SEM1: variants seen among roughly 807,000 people sequenced by gnomAD.
The protein encoded by SEM1 is SEM1 26S proteasome subunit.
In SEM1, 3 loss-of-function variants were observed where a neutral mutation model predicts 12.7. That is an observed-to-expected ratio of 0.24 (90% confidence interval 0.11 to 0.61). The LOEUF (loss-of-function observed/expected upper bound fraction) is 0.61. Among genes scored for constraint, SEM1 ranks in the 20% least tolerant of loss-of-function variants. The pLI is 0.88. For synonymous variants in SEM1, 30 were observed against 27.8 expected (o/e 1.08, Z -0.25); for missense variants, 59 against 81.3 (o/e 0.73, Z 1.06).
downstream of SEM1, among the ~76,000 whole-genome samples, chr7:96,618,211 T>A (rs1411964661): frequency 6.6e-6 from 1 of 152,220 alleles, no homozygotes; most frequent in Non-Finnish European, 1.5e-5. Context: ...TCGCTATTTA[T>A]TGTTGATCTG....
chr7:96,502,290 C>T (rs1234806246), intron 3 of SEM1, among the ~76,000 whole-genome samples: 1 of 152,130 alleles, frequency 6.6e-6, no homozygotes, highest in Non-Finnish European at 1.5e-5. Context: ...TAGTATATGG[C>T]ATCTTTATCA....
chr7:96,570,741 G>A lies in SEM1; in HGVS notation c.171-64043C>T, dbSNP rs561155182. Reference sequence around the variant, plus strand: ...CAGTAATGGGATGGTTGGGTCGAACGGTATTTCTGGTTCTAGATCCTTGAG... The same window carrying A: ...CAGTAATGGGATGGTTGGGTCGAACAGTATTTCTGGTTCTAGATCCTTGAG... On this transcript the variant is annotated intron_variant and NMD_transcript_variant, in intron 2 of 3. Coordinates refer to the SEM1 transcript ENST00000466986. Among the ~76,000 whole-genome samples the A allele has an allele frequency of 7.9e-5, 12 of 152,244 alleles. No homozygotes were observed. In the South Asian group the frequency reaches 2.5e-3, roughly 32 times the overall value.
In SEM1 at chr7:96,665,585, C is replaced by T. The variant is rs115245565; in HGVS notation, c.170+29213G>A. ...TTTTTACTCAGGAATTTCACCAATT[C>T]TTTGCTGGACTGAGGAAGAAAATTA... is the stretch of plus-strand genomic sequence containing the variant. On this transcript the variant is annotated intron_variant, in intron 2 of 2. Coordinates refer to the SEM1 transcript ENST00000417009. Among the ~76,000 whole-genome samples, 420 of 152,286 alleles carry T rather than the reference C, an allele frequency of 2.8e-3. 1 individual carries two copies. The highest frequency in any genetic ancestry group is 9.4e-3 in the African/African-American group (391 of 41,564).
At chr7:96,708,647 A>G (rs2116082350) in intron 1 of SEM1, among the ~76,000 whole-genome samples, 1 of 152,346 alleles carries the variant, frequency 6.6e-6, no homozygotes, top group East Asian at 1.9e-4. Context: ...GCAATCTCAC[A>G]AACAGAAGCA....
At chr7:96,610,185 C>T (rs1012103139) in intron 2 of SEM1, among the ~76,000 whole-genome samples, 29 of 151,938 alleles carry the variant, frequency 1.9e-4, no homozygotes, top group African/African-American at 4.6e-4. Flanking sequence ...CCGCAACCTC[C>T]GCCTCCTGGG....
At chr7:96,673,578 A>G (rs1789377686) in exon 3 of SEM1, 2 of 606,854 alleles carry the variant, frequency 3.3e-6, no homozygotes, top group South Asian at 3.8e-5. Flanking sequence ...TACCTTGCCC[A>G]GGCTGGACCT....
rs369257655 is a variant in SEM1, at chr7:96,692,858, T to C, written c.170+1940A>G. Reference sequence around the variant, plus strand: ...TGAAAACTAAGACAGGTAAGATAACTGCATTAAGGCAGTTTAAAATCTCAA... The same window carrying C: ...TGAAAACTAAGACAGGTAAGATAACCGCATTAAGGCAGTTTAAAATCTCAA... On this transcript the variant is annotated intron_variant, in intron 2 of 2. Coordinates refer to ENST00000248566, the MANE Select transcript of SEM1 (RefSeq NM_006304.2). Among the ~76,000 whole-genome samples, 68 of 152,150 alleles carry C rather than the reference T, an allele frequency of 4.5e-4. 1 individual carries two copies. The highest frequency in any genetic ancestry group is 1.5e-3 in the African/African-American group (64 of 41,542).
intron 2 of SEM1, among the ~76,000 whole-genome samples, chr7:96,523,008 T>C (rs1804335589): frequency 6.6e-6 from 1 of 152,122 alleles, no homozygotes; most frequent in Non-Finnish European, 1.5e-5. Flanking sequence ...ATAGGCTGCT[T>C]CTGCTTAACA....
At chr7:96,582,957 T>C (rs1348750840) in intron 2 of SEM1, among the ~76,000 whole-genome samples, 1 of 152,174 alleles carries the variant, frequency 6.6e-6, no homozygotes, top group Non-Finnish European at 1.5e-5. Flanking sequence ...AAGGGTTTTT[T>C]GTGTCTCTAT....
chr7:96,576,530 A>G (rs1037254846), intron 2 of SEM1, among the ~76,000 whole-genome samples: 4 of 152,114 alleles, frequency 2.6e-5, no homozygotes, highest in Admixed American at 6.5e-5. Flanking sequence ...AAGGTGTATC[A>G]TCTTTTTTAT....
At chr7:96,528,962 C>T (rs1804552996) in intron 2 of SEM1, among the ~76,000 whole-genome samples, 1 of 151,964 alleles carries the variant, frequency 6.6e-6, no homozygotes, top group Admixed American at 6.6e-5. Context: ...TGCAATTTAC[C>T]CAAAATATAT....
chr7:96,627,037 T>TA (rs1046927670), intron 2 of SEM1, among the ~76,000 whole-genome samples: 1 of 152,126 alleles, frequency 6.6e-6, no homozygotes, highest in African/African-American at 2.4e-5. Context: ...TCTAGGAATT[T>TA]AACCATTTCT....
At chr7:96,683,772 A>G (rs755563799), downstream of SEM1, among the ~76,000 whole-genome samples, 6 of 152,128 alleles carry the variant, frequency 3.9e-5, no homozygotes, top group Non-Finnish European at 7.4e-5. Context: ...CAGCAAACTA[A>G]CACAAGAACA....
intron 2 of SEM1, among the ~76,000 whole-genome samples, chr7:96,595,389 G>A (rs1328998016): frequency 1.3e-5 from 2 of 152,088 alleles, no homozygotes; most frequent in East Asian, 3.9e-4. Flanking sequence ...GTGTGCACAT[G>A]TAGTCCCAGC....
chr7:96,566,595 A>G (rs953245162), intron 2 of SEM1, among the ~76,000 whole-genome samples: 1 of 151,552 alleles, frequency 6.6e-6, no homozygotes, highest in South Asian at 2.1e-4. Flanking sequence ...TGCTTTGTCA[A>G]TGCCATTGAA....
rs1030679418 is a variant in SEM1 at position 96,522,910 on chromosome 7, A to G, written c.171-16212T>C. Among the ~76,000 whole-genome samples the G allele has an allele frequency of 1.5e-4, 23 of 151,222 alleles. 1 individual carries two copies. The highest frequency in any genetic ancestry group is 2.1e-4 in the South Asian group (1 of 4,754). The stretch of plus-strand genomic sequence containing the variant: ...CCATCTCAAAAAAAAAAAAAAAAAA[A>G]AGAGAGATGTTGTTTAAATGATACT... On this transcript the variant is annotated intron_variant and NMD_transcript_variant, in intron 2 of 3. Transcript: ENST00000466986.
chr7:96,520,853 C>T (rs978023046), intron 2 of SEM1, among the ~76,000 whole-genome samples: 4 of 152,036 alleles, frequency 2.6e-5, no homozygotes, highest in East Asian at 1.9e-4. Context: ...GGGTTCTTAT[C>T]GGAGAGAGTC....
At chr7:96,546,880 T>C (rs994621524) in intron 2 of SEM1, among the ~76,000 whole-genome samples, 3 of 152,132 alleles carry the variant, frequency 2.0e-5, no homozygotes, top group African/African-American at 7.2e-5. Context: ...CCTAGTTGAT[T>C]AGAAGCCAAG....
chr7:96,653,452 C>A (rs1018675847), intron 2 of SEM1, among the ~76,000 whole-genome samples: 1 of 152,088 alleles, frequency 6.6e-6, no homozygotes, highest in African/African-American at 2.4e-5. Flanking sequence ...TTTACTTTTC[C>A]AGGCAGGAGG....
Sources: gnomAD v4.1 joint callset for allele counts (sites outside exome capture counted in the v4.1 genomes callset) on GRCh38, gnomAD v4.1.1 for gene constraint, MANE v1.5 for transcripts, NCBI Gene and HGNC (gene_info 2026-07-23, HGNC 2026-07-21) for gene names.